Variants in ITGA9 observed in about 807,000 individuals in gnomAD.
ITGA9 encodes the protein integrin subunit alpha 9, also known as integrin alpha-9.
ITGA9 carries 56 observed loss-of-function variants against 127.8 expected under a neutral mutation model. The observed-to-expected ratio is 0.44, with a 90% CI of 0.35 to 0.55. The LOEUF (loss-of-function observed/expected upper bound fraction) is 0.55, where lower values mean the gene tolerates loss of function less well. Ranked by LOEUF, ITGA9 falls within the 20% of genes least tolerant of loss-of-function variation. The pLI, the probability that ITGA9 is intolerant of heterozygous loss-of-function variation, is 0.00. For synonymous variants in ITGA9, 508 were observed against 514.5 expected (o/e 0.99, Z 0.17); for missense variants, 1,196 against 1,347.1 (o/e 0.89, Z 1.76).
chr3:37,530,254 TA>T (rs1367489770), intron 13 of ITGA9, among the ~76,000 whole-genome samples: 1 of 152,178 alleles, frequency 6.6e-6, no homozygotes, highest in African/African-American at 2.4e-5. Flanking sequence ...CTATGTTAAG[TA>T]GGGGCTTGGC....
At chr3:37,641,274 A>G (rs999515319) in intron 16 of ITGA9, among the ~76,000 whole-genome samples, 1 of 152,144 alleles carries the variant, frequency 6.6e-6, no homozygotes, top group Non-Finnish European at 1.5e-5. Flanking sequence ...TGAGGGATCT[A>G]GATTGTGCCG....
intron 27 of ITGA9, among the ~76,000 whole-genome samples, chr3:37,810,889 C>G (rs912294637): frequency 6.6e-6 from 1 of 152,258 alleles, no homozygotes; most frequent in Non-Finnish European, 1.5e-5. Flanking sequence ...CAGCAAGTGT[C>G]TTTTCCAGAG....
intron 15 of ITGA9, among the ~76,000 whole-genome samples, chr3:37,617,842 G>A (rs547781651): frequency 1.3e-5 from 2 of 152,106 alleles, no homozygotes; most frequent in South Asian, 2.1e-4. Flanking sequence ...CTCTGCATTG[G>A]TTATTCTAGT....
intron 26 of ITGA9, among the ~76,000 whole-genome samples, chr3:37,793,486 G>A (rs1246685311): frequency 2.0e-5 from 3 of 151,632 alleles, no homozygotes; most frequent in Non-Finnish European, 2.9e-5. Context: ...CGTGCCCAGA[G>A]TATCTGTGCT....
chr3:37,577,145 G>T (rs1699662232), intron 15 of ITGA9, among the ~76,000 whole-genome samples: 1 of 152,214 alleles, frequency 6.6e-6, no homozygotes, highest in African/African-American at 2.4e-5. Flanking sequence ...ATCCACAGAA[G>T]TCATTTCCTT....
chr3:37,538,194 T>C (rs1214349146), intron 14 of ITGA9, among the ~76,000 whole-genome samples: 1 of 152,202 alleles, frequency 6.6e-6, no homozygotes. Flanking sequence ...AGCCTGAAAC[T>C]CGGGAAGGAG....
At chr3:37,565,540 G>C (rs192763639) in intron 15 of ITGA9, among the ~76,000 whole-genome samples, 13 of 152,364 alleles carry the variant, frequency 8.5e-5, no homozygotes, top group South Asian at 8.3e-4. Context: ...CACCTGAAGG[G>C]CTTGTTTAAA....
At chr3:37,657,371 C>T (rs752766079) in intron 17 of ITGA9, among the ~76,000 whole-genome samples, 2 of 151,944 alleles carry the variant, frequency 1.3e-5, no homozygotes, top group South Asian at 2.1e-4. Context: ...TTTTAGAACT[C>T]GTTTTTGGTC....
At chr3:37,603,511 C>T (rs1203882683) in intron 15 of ITGA9, among the ~76,000 whole-genome samples, 3 of 152,144 alleles carry the variant, frequency 2.0e-5, no homozygotes. Flanking sequence ...AATGACTGTG[C>T]TTCCCCTACC....
chr3:37,537,756 C>T (rs1174488826), intron 14 of ITGA9, among the ~76,000 whole-genome samples: 2 of 152,338 alleles, frequency 1.3e-5, no homozygotes, highest in Non-Finnish European at 2.9e-5. Flanking sequence ...GTGGCATGCA[C>T]TGTGCTTAGC....
intron 25 of ITGA9, 40 bp downstream of exon 25, chr3:37,780,061 G>A (rs751192392): frequency 3.7e-6 from 6 of 1,611,222 alleles, no homozygotes; most frequent in Non-Finnish European, 5.1e-6. Context: ...GCATTTAGAA[G>A]CATTTGAATT....
intron 15 of ITGA9, among the ~76,000 whole-genome samples, chr3:37,574,075 C>G (rs1419480148): frequency 6.6e-6 from 1 of 152,126 alleles, no homozygotes; most frequent in Non-Finnish European, 1.5e-5. Flanking sequence ...AAAAGTTCAT[C>G]CCAGTCAATG....
chr3:37,513,761 A>G lies in ITGA9; in HGVS notation c.898-2A>G, dbSNP rs1395958338. 1 of 1,614,140 alleles carries G rather than the reference A, an allele frequency of 6.2e-7. No individual in the cohort carries two copies. Among genetic ancestry groups the G allele is most frequent in the Non-Finnish European group, 8.5e-7 (1 of 1,180,018 alleles). ...CTTTGTTGCAACTCAACTTGGTTGC[A>G]GATGGGCTCTTACTTCGGCTCCTCC... On this transcript the variant is annotated splice_acceptor_variant, in intron 8 of 27. Coordinates refer to ENST00000264741, the MANE Select transcript of ITGA9 (RefSeq NM_002207.3). LOFTEE classifies it high-confidence loss of function.
At chr3:37,496,010 A>AGCTG (rs1484668662) in intron 5 of ITGA9, among the ~76,000 whole-genome samples, 1 of 152,058 alleles carries the variant, frequency 6.6e-6, no homozygotes, top group African/African-American at 2.4e-5. Context: ...GAGAGCAGAG[A>AGCTG]GCTGGGGAAG....
At chr3:37,512,112 CCTTCCTTCTTTCTTTTCTTTTCTTTTCT>C (rs1698927420) in intron 8 of ITGA9, among the ~76,000 whole-genome samples, 1 of 84,460 alleles carries the variant, frequency 1.2e-5, no homozygotes, top group Non-Finnish European at 2.3e-5. Flanking sequence ...TTCCTTCCTT[CCTTCCTTCTTTCTTTTCTTTTCTTTTCT>C]TTTCTTTTCT....
intron 20 of ITGA9, among the ~76,000 whole-genome samples, chr3:37,740,030 C>G (rs1050767993): frequency 6.6e-6 from 1 of 152,188 alleles, no homozygotes; most frequent in African/African-American, 2.4e-5. Flanking sequence ...AGATGAGGAG[C>G]CAGGGCAGAG....
intron 20 of ITGA9, among the ~76,000 whole-genome samples, chr3:37,737,211 A>G (rs955422382): frequency 1.4e-4 from 21 of 152,228 alleles, no homozygotes; most frequent in Non-Finnish European, 2.9e-4. Flanking sequence ...GGAACTGGGC[A>G]TCAGCCACTC....
intron 18 of ITGA9, among the ~76,000 whole-genome samples, chr3:37,719,742 T>G (rs2844353): frequency 0.3 from 45,316 of 151,904 alleles, 8,141 homozygotes; most frequent in Middle Eastern, 0.4. Flanking sequence ...TGCCCCAGCT[T>G]TCTCACCCGT....
chr3:37,511,516 T>TTCC (rs1698904421), intron 8 of ITGA9, among the ~76,000 whole-genome samples: 1 of 152,228 alleles, frequency 6.6e-6, no homozygotes, highest in Non-Finnish European at 1.5e-5. Context: ...AAACAAATAG[T>TTCC]TCCCCTGGGG....
Sources: allele counts gnomAD v4.1 joint callset (sites outside exome capture counted in the v4.1 genomes callset), GRCh38; gene constraint gnomAD v4.1.1; transcripts MANE v1.5; gene names NCBI Gene and HGNC (gene_info 2026-07-23, HGNC 2026-07-21).